ME2: variants seen among roughly 807,000 people sequenced by gnomAD.
The protein encoded by ME2 is NAD-dependent malic enzyme, mitochondrial.
Under a neutral mutation model 73.7 loss-of-function variants are expected in ME2, and 60 were observed. The ratio of observed to expected loss-of-function variants is 0.81; its 90% confidence interval spans 0.66 to 1.01. The LOEUF (loss-of-function observed/expected upper bound fraction) is 1.01. Among genes scored for constraint, ME2 ranks in the 50% least tolerant of loss-of-function variants. The pLI is 0.00. For missense variants in ME2, 594 were observed against 705.5 expected, an observed-to-expected ratio of 0.84 and a Z score of 1.79; for synonymous variants, 199 against 236.9, an observed-to-expected ratio of 0.84 and a Z score of 1.47.
At chr18:50,882,757 T>C (rs1435148938) in intron 1 of ME2, among the ~76,000 whole-genome samples, 1 of 152,180 alleles carries the variant, frequency 6.6e-6, no homozygotes, top group Admixed American at 6.5e-5. Context: ...GAGACCAGCC[T>C]GCCCAACATG....
intron 10 of ME2, among the ~76,000 whole-genome samples, chr18:50,923,169 C>T (rs1849203995): frequency 6.6e-6 from 1 of 152,108 alleles, no homozygotes; most frequent in Non-Finnish European, 1.5e-5. Context: ...TTCCCTGTTC[C>T]TCTTGTTTCT....
rs866611915 is a variant in ME2, at chr18:50,893,148, A to C, written c.-12-2661A>C. On this transcript the variant is annotated intron_variant, in intron 1 of 15. Transcript: ENST00000321341. ...TCAAAAAAAAAAAAAAAAAAAAAAA[A>C]AAAACACCTTTAAATTTGCTTCAAT... Among the ~76,000 whole-genome samples the C allele has an allele frequency of 4.3e-3, 553 of 127,422 alleles. 5 individuals carry two copies. Among genetic ancestry groups the C allele is most frequent in the African/African-American group, 0.012 (432 of 36,988 alleles). The allele number at this position is 127,422 out of a possible 152,430, so 83.6% of individuals were successfully genotyped here.
chr18:50,900,778 T>C (rs1916870763), intron 2 of ME2, among the ~76,000 whole-genome samples: 1 of 152,082 alleles, frequency 6.6e-6, no homozygotes, highest in African/African-American at 2.4e-5. Context: ...CAAGATCTGG[T>C]GGCTTTATAA....
At chr18:50,925,653 A>T in intron 11 of ME2, 103 bp from the exon 12 acceptor site, 1 of 891,420 alleles carries the variant, frequency 1.1e-6, no homozygotes, top group Middle Eastern at 3.5e-4. Context: ...ATGAGATATT[A>T]CCTGTGTTTT....
intron 7 of ME2, among the ~76,000 whole-genome samples, chr18:50,919,200 C>T (rs72929786): frequency 1.1e-3 from 172 of 152,278 alleles, no homozygotes; most frequent in Non-Finnish European, 1.8e-3. Context: ...CTCTCCAGTT[C>T]GTCTCCACCT....
intron 15 of ME2, among the ~76,000 whole-genome samples, chr18:50,943,285 T>C (rs1311619760): frequency 3.9e-5 from 6 of 152,040 alleles, no homozygotes; most frequent in African/African-American, 1.2e-4. Flanking sequence ...ATTTTGACTA[T>C]TAAATTTATT....
chr18:50,951,866 C>CAAAAAAAAA lies in ME2; in HGVS notation c.*4711_*4719dup, dbSNP rs757175835. ...TGGGCGACAGAGTGAGCCTCCATCT[C>CAAAAAAAAA]AAAAAAAAAAAAAAAAAAAAAAAAA... On this transcript the variant is annotated 3_prime_UTR_variant, in exon 16 of 16. Transcript: ENST00000321341. The CAAAAAAAAA allele has an allele frequency of 1.4e-5, 1 of 71,340 alleles. No individual in the cohort carries two copies. The highest frequency in any genetic ancestry group is 6.4e-5 in the African/African-American group (1 of 15,538). The allele number at this position is 71,340 out of a possible 1,614,324, so 4.4% of individuals were successfully genotyped here.
chr18:50,932,336 G>A lies in ME2; in HGVS notation c.1393G>A (p.Gly465Arg), dbSNP rs375060463. Residue 465 changes from glycine to arginine, a missense_variant, in exon 13 of 16, where the codon GGA becomes AGA. Physicochemically the swap from Gly to Arg is moderately radical, Grantham distance 125. Transcript: ENST00000321341. ...TDGRVFTPGQ[G>R]NNVYIFPGVA... ...TGGGCGAGTCTTTACACCAGGTCAAGGAAACAATGTTTATATTTTTCCAGG... is the reference window on the plus strand; with the variant it reads ...TGGGCGAGTCTTTACACCAGGTCAAAGAAACAATGTTTATATTTTTCCAGG... The A allele has an allele frequency of 4.3e-6, 7 of 1,612,148 alleles. No homozygotes were observed. The highest frequency in any genetic ancestry group is 5.9e-6 in the Non-Finnish European group (7 of 1,178,790).
chr18:50,879,146 C>G lies in ME2; in HGVS notation c.-175C>G, dbSNP rs1395285345. 1 of 152,190 alleles carries G rather than the reference C, an allele frequency of 6.6e-6. No individual in the cohort carries two copies. The allele number at this position is 152,190 out of a possible 1,614,324, so 9.4% of individuals were successfully genotyped here. A position where few individuals can be genotyped will look rare whatever the true frequency, so the allele number is the denominator to read the frequency against. On this transcript the variant is annotated 5_prime_UTR_variant, in exon 1 of 16. Transcript: ENST00000321341. ...TCGGCCGCTCTTCGGGCCGCCTCTG[C>G]GTGTGGGGCCGCCCGCGCCAGTGTG...
chr18:50,920,621 G>A, intron 8 of ME2, 40 bp from the exon 9 acceptor site: 1 of 1,575,362 alleles, frequency 6.3e-7, no homozygotes, highest in Non-Finnish European at 8.6e-7. Context: ...TTTTTAATGT[G>A]CCCATTTTTT....
At chr18:50,919,427 A>G (rs944254139) in intron 7 of ME2, among the ~76,000 whole-genome samples, 1 of 152,164 alleles carries the variant, frequency 6.6e-6, no homozygotes, top group African/African-American at 2.4e-5. Flanking sequence ...TGAACTTTAC[A>G]TCTTCTCAGA....
At chr18:50,908,378 T>G (rs1238390633) in intron 3 of ME2, among the ~76,000 whole-genome samples, 182 bp downstream of exon 3, 1 of 152,236 alleles carries the variant, frequency 6.6e-6, no homozygotes, top group Non-Finnish European at 1.5e-5. Context: ...TATTCACTAT[T>G]GTAAAACTTA....
chr18:50,890,924 G>A (rs2144188595), intron 1 of ME2, among the ~76,000 whole-genome samples: 1 of 152,274 alleles, frequency 6.6e-6, no homozygotes, highest in East Asian at 1.9e-4. Context: ...GGAGGGCAGG[G>A]CCATATTGAG....
intron 1 of ME2, among the ~76,000 whole-genome samples, chr18:50,894,049 C>T (rs543255363): frequency 1.8e-4 from 28 of 152,142 alleles, no homozygotes; most frequent in African/African-American, 6.8e-4. Context: ...GTCTTCTAAC[C>T]CTGACTGCGT....
At chr18:50,890,567 CA>C (rs1916584755) in intron 1 of ME2, among the ~76,000 whole-genome samples, 1 of 152,086 alleles carries the variant, frequency 6.6e-6, no homozygotes, top group South Asian at 2.1e-4. Context: ...TTGTTTTATC[CA>C]TTTAGTTTTA....
intron 10 of ME2, among the ~76,000 whole-genome samples, chr18:50,922,756 T>C (rs1198884650): frequency 6.6e-6 from 1 of 152,144 alleles, no homozygotes; most frequent in Admixed American, 6.5e-5. Flanking sequence ...GCTTCCAGTG[T>C]CTCCTGGTGA....
intron 2 of ME2, among the ~76,000 whole-genome samples, chr18:50,906,261 C>G (rs778265337): frequency 6.6e-6 from 1 of 152,098 alleles, no homozygotes; most frequent in Non-Finnish European, 1.5e-5. Context: ...ATACTCCTCC[C>G]AGGGTTTGTT....
Position 50,952,960 on chromosome 18 carries a change from A to G in ME2, c.*5776A>G, listed in dbSNP as rs1163347629. 6.6e-6 allele frequency: 1 copy of G among 152,228 alleles called. No homozygotes were observed. Among genetic ancestry groups the G allele is most frequent in the South Asian group, 2.1e-4 (1 of 4,834 alleles). 9.4% of individuals were successfully genotyped at this position (152,228 alleles called of 1,614,324 possible). On this transcript the variant is annotated 3_prime_UTR_variant, in exon 16 of 16. Transcript: ENST00000321341. ...GCACAGAGAGGTTAAATGACTTGTC[A>G]AAGGTCTTATGATGTGTGGCAGAGC...
At chr18:50,903,838 G>T (rs905914177) in intron 2 of ME2, among the ~76,000 whole-genome samples, 5 of 152,110 alleles carry the variant, frequency 3.3e-5, no homozygotes, top group African/African-American at 1.2e-4. Context: ...AAAAAAAGAC[G>T]CAAGAGTGAC....
Sources: gnomAD v4.1 joint callset for allele counts (sites outside exome capture counted in the v4.1 genomes callset) on GRCh38, gnomAD v4.1.1 for gene constraint, MANE v1.5 for transcripts, NCBI Gene and HGNC (gene_info 2026-07-23, HGNC 2026-07-21) for gene names.